The following CAMKMT variants were observed in gnomAD, a reference collection of about 807,000 sequenced individuals.
CAMKMT encodes calmodulin-lysine N-methyltransferase, also known as CaM KMT.
CAMKMT carries 53 observed loss-of-function variants against 48.0 expected under a neutral mutation model. The ratio of observed to expected loss-of-function variants is 1.10; its 90% CI spans 0.89 to 1.39. The LOEUF (loss-of-function observed/expected upper bound fraction) is 1.39, where lower values mean the gene tolerates loss of function less well. Among genes scored for constraint, CAMKMT ranks in the 40% most tolerant of loss-of-function variants. The pLI, the probability that CAMKMT is intolerant of heterozygous loss-of-function variation, is 0.00. For synonymous variants in CAMKMT, 165 were observed against 152.3 expected (o/e 1.08, Z -0.61); for missense variants, 428 against 402.7 (o/e 1.06, Z -0.54).
chr2:44,535,769 C>A (rs949488602), intron 3 of CAMKMT, among the ~76,000 whole-genome samples: 2 of 152,106 alleles, frequency 1.3e-5, no homozygotes, highest in African/African-American at 2.4e-5. Flanking sequence ...ATGACAAGCC[C>A]ATGTAACATC....
intron 3 of CAMKMT, among the ~76,000 whole-genome samples, chr2:44,474,984 C>T (rs1045722726): frequency 6.6e-6 from 1 of 152,134 alleles, no homozygotes; most frequent in Non-Finnish European, 1.5e-5. Context: ...AGACCTGAGA[C>T]ATAGTGATAG....
At position 44,362,041 on chromosome 2, in the gene CAMKMT, G is replaced by A. The variant is rs747693462; in HGVS notation, c.34G>A (p.Glu12Lys). 1.4e-6 allele frequency: 2 copies of A among 1,427,292 alleles called. No homozygotes were observed. The highest frequency in any genetic ancestry group is 1.8e-6 in the Non-Finnish European group (2 of 1,096,298). 88.4% of individuals were successfully genotyped at this position (1,427,292 alleles called of 1,614,324 possible). A position where few individuals can be genotyped will look rare whatever the true frequency, so the allele number is the denominator to read the frequency against. ...GCGAGTCGCGGACGCTGGGACCGGC[G>A]AGACCGCGCGAGCAGCGGGCGGGAG... ...ESRVADAGTG[E>K]TARAAGGSPA... The change falls in exon 1 of 11, where the codon GAG becomes AAG. Residue 12 changes from glutamate to lysine, a missense_variant. Coordinates refer to ENST00000378494, the MANE Select transcript of CAMKMT (RefSeq NM_024766.5).
intron 3 of CAMKMT, among the ~76,000 whole-genome samples, chr2:44,491,520 G>A (rs1456258377): frequency 6.6e-6 from 1 of 152,106 alleles, no homozygotes; most frequent in Non-Finnish European, 1.5e-5. Flanking sequence ...AAAAATTTTG[G>A]AATATTTTAA....
At chr2:44,368,719 G>A (rs1427137130) in intron 1 of CAMKMT, among the ~76,000 whole-genome samples, 1 of 152,150 alleles carries the variant, frequency 6.6e-6, no homozygotes, top group Non-Finnish European at 1.5e-5. Context: ...ACTGTTTGGA[G>A]TTTAATTGGG....
At chr2:44,732,754 T>TA (rs1679148834) in intron 7 of CAMKMT, among the ~76,000 whole-genome samples, 1 of 152,208 alleles carries the variant, frequency 6.6e-6, no homozygotes, top group Admixed American at 6.5e-5. Flanking sequence ...GCTCATTTTT[T>TA]AAAAAATTGG....
rs149247487 is a variant in CAMKMT, at chr2:44,416,480, A to G, written c.376+26175A>G. ...AAAAACTGATCTACTCTCTGTCACT[A>G]TTGATTAGATTAAACTCTTCTCGTG... On this transcript the variant is annotated intron_variant, in intron 3 of 10. Transcript: ENST00000378494. Among the ~76,000 whole-genome samples the G allele has an allele frequency of 1.1e-3, 163 of 150,790 alleles. 1 individual carries two copies. Among genetic ancestry groups the G allele is most frequent in the Admixed American group, 4.5e-3 (68 of 15,158 alleles).
intron 3 of CAMKMT, among the ~76,000 whole-genome samples, chr2:44,584,840 G>C (rs1312342284): frequency 6.6e-6 from 1 of 152,034 alleles, no homozygotes; most frequent in Non-Finnish European, 1.5e-5. Flanking sequence ...GGATCACGAG[G>C]TCAGGAGATC....
intron 3 of CAMKMT, among the ~76,000 whole-genome samples, chr2:44,642,558 TCTG>T (rs1379584248): frequency 1.2e-4 from 18 of 152,356 alleles, no homozygotes; most frequent in African/African-American, 4.1e-4. Flanking sequence ...AAGCATTCCT[TCTG>T]CTTCTCTGCA....
At chr2:44,742,076 A>C (rs1468345725) in intron 7 of CAMKMT, among the ~76,000 whole-genome samples, 1 of 152,088 alleles carries the variant, frequency 6.6e-6, no homozygotes, top group Non-Finnish European at 1.5e-5. Flanking sequence ...TCATGGTTCA[A>C]GTCTTAGACT....
At chr2:44,679,756 A>G (rs963004137) in intron 3 of CAMKMT, among the ~76,000 whole-genome samples, 47 of 152,340 alleles carry the variant, frequency 3.1e-4, no homozygotes, top group Middle Eastern at 3.4e-3. Flanking sequence ...CCTCTGCTCT[A>G]TTATCAGCAA....
intron 3 of CAMKMT, among the ~76,000 whole-genome samples, chr2:44,502,205 A>G (rs1670042154): frequency 6.6e-6 from 1 of 152,020 alleles, no homozygotes; most frequent in Non-Finnish European, 1.5e-5. Context: ...TGGACAACAG[A>G]GTTGAAACTC....
At chr2:44,386,151 T>A (rs1044603981) in intron 2 of CAMKMT, among the ~76,000 whole-genome samples, 1 of 152,136 alleles carries the variant, frequency 6.6e-6, no homozygotes, top group South Asian at 2.1e-4. Context: ...TCAGTCTCGC[T>A]GCTTGTTATT....
intron 3 of CAMKMT, among the ~76,000 whole-genome samples, chr2:44,436,013 G>C (rs1067355): frequency 0.77 from 117,380 of 152,068 alleles, 45,598 homozygotes; most frequent in South Asian, 0.87. Flanking sequence ...TGAGGTTAAG[G>C]AGATACCCAA....
intron 3 of CAMKMT, among the ~76,000 whole-genome samples, chr2:44,651,648 G>A (rs1469418544): frequency 6.6e-6 from 1 of 152,190 alleles, no homozygotes; most frequent in African/African-American, 2.4e-5. Context: ...TTAAAAGTAT[G>A]CATGTGGAAA....
chr2:44,444,978 T>G (rs1399130163), intron 3 of CAMKMT, among the ~76,000 whole-genome samples: 1 of 152,044 alleles, frequency 6.6e-6, no homozygotes, highest in Non-Finnish European at 1.5e-5. Context: ...GTCAAAGCCC[T>G]GGGAAAGAAA....
intron 9 of CAMKMT, among the ~76,000 whole-genome samples, chr2:44,762,510 T>TG (rs968434177): frequency 7.2e-5 from 11 of 152,070 alleles, no homozygotes; most frequent in African/African-American, 2.2e-4. Context: ...AATCTGAAGC[T>TG]GGGGGGAGTG....
intron 3 of CAMKMT, among the ~76,000 whole-genome samples, chr2:44,562,857 G>A (rs557147326): frequency 1.3e-5 from 2 of 152,280 alleles, no homozygotes; most frequent in East Asian, 1.9e-4. Context: ...CACAGTGCCC[G>A]GCCCAAAGCA....
At chr2:44,553,510 G>A (rs1667838419) in intron 3 of CAMKMT, among the ~76,000 whole-genome samples, 2 of 152,046 alleles carry the variant, frequency 1.3e-5, no homozygotes, top group South Asian at 2.1e-4. Flanking sequence ...ATAGGCATGG[G>A]CCACCACACC....
At chr2:44,769,064 C>T (rs747351876) in intron 10 of CAMKMT, among the ~76,000 whole-genome samples, 6 of 151,630 alleles carry the variant, frequency 4.0e-5, no homozygotes, top group Non-Finnish European at 5.9e-5. Flanking sequence ...CCTTCGAAGC[C>T]GAGTTTTTCA....
Sources: allele counts gnomAD v4.1 joint callset (sites outside exome capture counted in the v4.1 genomes callset), GRCh38; gene constraint gnomAD v4.1.1; transcripts MANE v1.5; gene names NCBI Gene and HGNC (gene_info 2026-07-23, HGNC 2026-07-21).